The following LEPROT variants were observed in gnomAD, a reference collection of about 807,000 sequenced individuals.
The protein encoded by LEPROT is leptin receptor gene-related protein.
LEPROT carries 3 observed loss-of-function variants against 15.4 expected under a neutral mutation model. That is an observed-to-expected ratio of 0.19 (90% CI 0.09 to 0.50). LEPROT has a LOEUF of 0.50. Among genes scored for constraint, LEPROT ranks in the 20% least tolerant of loss-of-function variants. The pLI is 0.97. For synonymous variants in LEPROT, 59 were observed against 57.5 expected (o/e 1.03, Z -0.12); for missense variants, 137 against 162.2 (o/e 0.84, Z 0.84).
rs1160505332 is a variant in LEPROT at position 65,433,195 on chromosome 1, G to T, written c.*1276G>T. On this transcript the variant is annotated 3_prime_UTR_variant, in exon 4 of 4. Transcript: ENST00000371065. The stretch of plus-strand genomic sequence containing the variant: ...CCCACCCCTACTCCTCAACAGTTCT[G>T]GTTTGCCCTGACTTCTCTACGGCTC... 2 of 984,792 alleles carry T rather than the reference G, an allele frequency of 2.0e-6. No individual in the cohort carries two copies. Among genetic ancestry groups the T allele is most frequent in the South Asian group, 4.7e-5 (1 of 21,262 alleles). The allele number at this position is 984,792 out of a possible 1,614,324, so 61.0% of individuals were successfully genotyped here. A position where few individuals can be genotyped will look rare whatever the true frequency, so the allele number is the denominator to read the frequency against.
rs1053592689 is a variant in LEPROT, at chr1:65,434,220, C to T, written c.*2301C>T. Reference sequence around the variant, plus strand: ...CTGCAGTGCCTAAATATCATTTAAACAGTAAATATTAATAGGAAATATTGC... The same window carrying T: ...CTGCAGTGCCTAAATATCATTTAAATAGTAAATATTAATAGGAAATATTGC... On this transcript the variant is annotated 3_prime_UTR_variant, in exon 4 of 4. Transcript: ENST00000371065. 1.0e-6 allele frequency: 1 copy of T among 978,916 alleles called. No individual in the cohort carries two copies. Among genetic ancestry groups the T allele is most frequent in the Non-Finnish European group, 1.2e-6 (1 of 824,192 alleles). The allele number at this position is 978,916 out of a possible 1,614,324, so 60.6% of individuals were successfully genotyped here. A position where few individuals can be genotyped will look rare whatever the true frequency, so the allele number is the denominator to read the frequency against.
In LEPROT at chr1:65,420,675, C is replaced by A. The variant is rs368145929; in HGVS notation, c.-50C>A. The A allele has an allele frequency of 1.1e-4, 179 of 1,562,010 alleles. No homozygotes were observed. Among genetic ancestry groups the A allele is most frequent in the Non-Finnish European group, 1.5e-4 (172 of 1,154,732 alleles). On this transcript the variant is annotated 5_prime_UTR_variant, in exon 1 of 4. Transcript: ENST00000371065. The stretch of plus-strand genomic sequence containing the variant: ...TCCCGGTCTGGCTTGGGCAGGCTGC[C>A]CGGGCCGTGGCAGGAAGCCGGAAGC...
chr1:65,422,257 A>T (rs761858904), intron 1 of LEPROT, among the ~76,000 whole-genome samples: 8 of 152,220 alleles, frequency 5.3e-5, no homozygotes, highest in Non-Finnish European at 8.8e-5. Context: ...ACATAGAGAC[A>T]TACAGGGAGA....
chr1:65,429,484 C>T (rs998882160), intron 2 of LEPROT, among the ~76,000 whole-genome samples: 3 of 152,180 alleles, frequency 2.0e-5, no homozygotes, highest in Admixed American at 6.5e-5. Flanking sequence ...TTCAAGCATG[C>T]GTGCACTCAA....
At position 65,435,096 on chromosome 1, in the gene LEPROT, G is replaced by C; in HGVS notation, c.*3177G>C. ...GAAAGATTCCAGCAGCTTATAGAAG[G>C]ATAGCAATATTTTGGGACAGGGAAA... is the stretch of plus-strand genomic sequence containing the variant. On this transcript the variant is annotated 3_prime_UTR_variant, in exon 4 of 4. Coordinates refer to ENST00000371065, the MANE Select transcript of LEPROT (RefSeq NM_017526.5). 2 of 985,414 alleles carry C rather than the reference G, an allele frequency of 2.0e-6. No homozygotes were observed. Among genetic ancestry groups the C allele is most frequent in the Non-Finnish European group, 2.4e-6 (2 of 829,950 alleles). 61.0% of individuals were successfully genotyped at this position (985,414 alleles called of 1,614,324 possible).
Position 65,432,104 on chromosome 1 carries a change from T to C in LEPROT, c.*185T>C. 7.7e-7 allele frequency: 1 copy of C among 1,293,732 alleles called. No individual in the cohort carries two copies. Among genetic ancestry groups the C allele is most frequent in the Non-Finnish European group, 9.8e-7 (1 of 1,021,770 alleles). 80.1% of individuals were successfully genotyped at this position (1,293,732 alleles called of 1,614,324 possible). On this transcript the variant is annotated 3_prime_UTR_variant, in exon 4 of 4. Transcript: ENST00000371065. ...GTTTTATTCTCAGCAAATAGACCTGTCAAATTTAGATTATGTTACTCAAAT... is the reference window on the plus strand; with the variant it reads ...GTTTTATTCTCAGCAAATAGACCTGCCAAATTTAGATTATGTTACTCAAAT...
In LEPROT at chr1:65,433,150, C is replaced by G; in HGVS notation, c.*1231C>G. ...TTCCTTTATGATCTGGCACTTCTCC[C>G]CAGCTCCTTCCCTCTGCCCCCCACC... On this transcript the variant is annotated 3_prime_UTR_variant, in exon 4 of 4. Transcript: ENST00000371065. The G allele has an allele frequency of 1.0e-6, 1 of 985,464 alleles. No homozygotes were observed. The highest frequency in any genetic ancestry group is 1.2e-6 in the Non-Finnish European group (1 of 829,988). The allele number at this position is 985,464 out of a possible 1,614,324, so 61.0% of individuals were successfully genotyped here.
chr1:65,427,369 T>C (rs1189876598), intron 2 of LEPROT, among the ~76,000 whole-genome samples: 1 of 151,562 alleles, frequency 6.6e-6, no homozygotes, highest in Non-Finnish European at 1.5e-5. Flanking sequence ...AAGCCAGGAG[T>C]TTGAGACCAG....
At chr1:65,426,283 T>C (rs932011772) in intron 2 of LEPROT, among the ~76,000 whole-genome samples, 2 of 136,248 alleles carry the variant, frequency 1.5e-5, no homozygotes, top group African/African-American at 7.2e-5. Context: ...TGGTACATTA[T>C]GGTACAGCAT....
At chr1:65,428,287 G>A (rs913516475) in intron 2 of LEPROT, among the ~76,000 whole-genome samples, 2 of 152,144 alleles carry the variant, frequency 1.3e-5, no homozygotes, top group African/African-American at 2.4e-5. Context: ...AAAACATAGA[G>A]TCAGATTGTT....
chr1:65,424,903 G>T (rs997368085), intron 1 of LEPROT, among the ~76,000 whole-genome samples: 6 of 152,166 alleles, frequency 3.9e-5, no homozygotes, highest in African/African-American at 1.4e-4. Flanking sequence ...AGCATCTCAC[G>T]GTGAGAGGGA....
intron 2 of LEPROT, chr1:65,427,694 A>C (rs566865310): frequency 2.1e-5 from 5 of 239,610 alleles, no homozygotes; most frequent in African/African-American, 6.8e-5. Context: ...TCTGTGATAC[A>C]CTGTCTTTGT....
In LEPROT at chr1:65,434,724, G is replaced by T; in HGVS notation, c.*2805G>T. On this transcript the variant is annotated 3_prime_UTR_variant, in exon 4 of 4. Transcript: ENST00000371065. The stretch of plus-strand genomic sequence containing the variant: ...CTCATTTTCACCTCCTAATGCCCTT[G>T]AGATCCAGGTACACTCCTGGGAGTT... 1.0e-6 allele frequency: 1 copy of T among 985,342 alleles called. No individual in the cohort carries two copies. The highest frequency in any genetic ancestry group is 1.2e-6 in the Non-Finnish European group (1 of 829,962). The allele number at this position is 985,342 out of a possible 1,614,324, so 61.0% of individuals were successfully genotyped here.
chr1:65,431,710 C>G (rs2100228932), intron 3 of LEPROT, 93 bp from the exon 4 acceptor site: 2 of 1,316,520 alleles, frequency 1.5e-6, no homozygotes, highest in Non-Finnish European at 2.1e-6. Context: ...TGTAACATTT[C>G]ATTGGATGTT....
At chr1:65,427,484 A>G (rs956099777) in intron 2 of LEPROT, among the ~76,000 whole-genome samples, 14 of 152,158 alleles carry the variant, frequency 9.2e-5, no homozygotes, top group Admixed American at 3.9e-4. Flanking sequence ...GGTTGAGCCC[A>G]GGGGTTGGAG....
At position 65,432,196 on chromosome 1, in the gene LEPROT, A is replaced by G; in HGVS notation, c.*277A>G. ...AGAAAATATATTAACGCAGTCTTGT[A>G]GGCAGCTGCCACCTTATGCAGTGCA... On this transcript the variant is annotated 3_prime_UTR_variant, in exon 4 of 4. Coordinates refer to ENST00000371065, the MANE Select transcript of LEPROT (RefSeq NM_017526.5). 1.8e-6 allele frequency: 2 copies of G among 1,084,246 alleles called. No homozygotes were observed. The highest frequency in any genetic ancestry group is 2.2e-6 in the Non-Finnish European group (2 of 891,668). 67.2% of individuals were successfully genotyped at this position (1,084,246 alleles called of 1,614,324 possible). A position where few individuals can be genotyped will look rare whatever the true frequency, so the allele number is the denominator to read the frequency against.
At position 65,432,972 on chromosome 1, in the gene LEPROT, C is replaced by CA. The variant is rs749200688; in HGVS notation, c.*1060dup. On this transcript the variant is annotated 3_prime_UTR_variant, in exon 4 of 4. Coordinates refer to ENST00000371065, the MANE Select transcript of LEPROT (RefSeq NM_017526.5). ...AAAAAACAAAACATACTCTCTCCCC[C>CA]AAAAAAACATCTCAGTGGGGAACAG... The CA allele has an allele frequency of 2.7e-5, 27 of 985,036 alleles. No homozygotes were observed. Among genetic ancestry groups the CA allele is most frequent in the Non-Finnish European group, 3.3e-5 (27 of 829,820 alleles). 61.0% of individuals were successfully genotyped at this position (985,036 alleles called of 1,614,324 possible).
At position 65,434,691 on chromosome 1, in the gene LEPROT, T is replaced by C. The variant is rs1283755250; in HGVS notation, c.*2772T>C. On this transcript the variant is annotated 3_prime_UTR_variant, in exon 4 of 4. Coordinates refer to ENST00000371065, the MANE Select transcript of LEPROT (RefSeq NM_017526.5). ...AAGAACAAGGTCTTTCTCCTTTTAA[T>C]TTTTCCACTCATTTTCACCTCCTAA... The C allele has an allele frequency of 1.0e-6, 1 of 985,400 alleles. No individual in the cohort carries two copies. The highest frequency in any genetic ancestry group is 4.7e-5 in the South Asian group (1 of 21,282). 61.0% of individuals were successfully genotyped at this position (985,400 alleles called of 1,614,324 possible). A position where few individuals can be genotyped will look rare whatever the true frequency, so the allele number is the denominator to read the frequency against.
chr1:65,435,815 T>A lies in LEPROT; in HGVS notation c.*3896T>A. 1 of 983,086 alleles carries A rather than the reference T, an allele frequency of 1.0e-6. No individual in the cohort carries two copies. The highest frequency in any genetic ancestry group is 1.2e-6 in the Non-Finnish European group (1 of 827,788). The allele number at this position is 983,086 out of a possible 1,614,324, so 60.9% of individuals were successfully genotyped here. ...GTAGTAGATAAATATTAGTTGTGCATTTTAATTTAATTCTCCTTTTTCCAT... is the reference window on the plus strand; with the variant it reads ...GTAGTAGATAAATATTAGTTGTGCAATTTAATTTAATTCTCCTTTTTCCAT... On this transcript the variant is annotated 3_prime_UTR_variant, in exon 4 of 4. Transcript: ENST00000371065.
Sources: gnomAD v4.1 joint callset for allele counts (sites outside exome capture counted in the v4.1 genomes callset) on GRCh38, gnomAD v4.1.1 for gene constraint, MANE v1.5 for transcripts, NCBI Gene and HGNC (gene_info 2026-07-23, HGNC 2026-07-21) for gene names.